Variants in CLSTN2 observed in about 807,000 individuals in gnomAD.
CLSTN2 encodes calsyntenin 2.
In CLSTN2, 48 loss-of-function variants were observed where a neutral mutation model predicts 101.2. The ratio of observed to expected loss-of-function variants is 0.47; its 90% CI spans 0.38 to 0.60. The LOEUF is 0.60. Ranked by LOEUF, CLSTN2 falls within the 20% of genes least tolerant of loss-of-function variation. The pLI is 0.00. For synonymous variants in CLSTN2, 481 were observed against 463.6 expected (o/e 1.04, Z -0.48); for missense variants, 1,160 against 1,238.2 (o/e 0.94, Z 0.95).
chr3:140,089,163 T>C (rs1021166577), intron 1 of CLSTN2, among the ~76,000 whole-genome samples: 1 of 152,204 alleles, frequency 6.6e-6, no homozygotes, highest in Non-Finnish European at 1.5e-5. Context: ...TGAGACCTGG[T>C]CTAGGGCTCA....
intron 2 of CLSTN2, among the ~76,000 whole-genome samples, chr3:140,269,762 C>G (rs372974371): frequency 6.6e-6 from 1 of 152,216 alleles, no homozygotes; most frequent in Admixed American, 6.5e-5. Flanking sequence ...ACTTCTGACC[C>G]CAGGGGATTT....
chr3:140,411,553 T>C (rs776223613), intron 4 of CLSTN2, among the ~76,000 whole-genome samples: 4 of 152,250 alleles, frequency 2.6e-5, no homozygotes, highest in Non-Finnish European at 5.9e-5. Context: ...TGAACTGTTA[T>C]ACTTTAGATG....
At chr3:139,969,452 ACT>A (rs373062444) in intron 1 of CLSTN2, among the ~76,000 whole-genome samples, 4 of 151,742 alleles carry the variant, frequency 2.6e-5, no homozygotes, top group African/African-American at 9.7e-5. Flanking sequence ...CAGCTAGAAG[ACT>A]CTTCCTAGAG....
chr3:140,315,734 C>G (rs1271178760), intron 2 of CLSTN2, among the ~76,000 whole-genome samples: 1 of 152,138 alleles, frequency 6.6e-6, no homozygotes, highest in African/African-American at 2.4e-5. Flanking sequence ...CCAGGAGGAC[C>G]CAAATGCCTT....
At chr3:140,275,430 A>G (rs955656965) in intron 2 of CLSTN2, among the ~76,000 whole-genome samples, 26 of 151,982 alleles carry the variant, frequency 1.7e-4, no homozygotes, top group African/African-American at 6.3e-4. Flanking sequence ...ACAGGCACCC[A>G]GCTTTTAAAA....
At chr3:140,221,852 C>T (rs2086276511) in intron 2 of CLSTN2, among the ~76,000 whole-genome samples, 1 of 151,930 alleles carries the variant, frequency 6.6e-6, no homozygotes, top group Non-Finnish European at 1.5e-5. Context: ...AAAGGGAATC[C>T]TTATACACTA....
chr3:140,039,624 T>C (rs1054953564), intron 1 of CLSTN2, among the ~76,000 whole-genome samples: 3 of 152,196 alleles, frequency 2.0e-5, no homozygotes, highest in Non-Finnish European at 2.9e-5. Flanking sequence ...AAAAATACTA[T>C]TGATTTTCTT....
intron 1 of CLSTN2, among the ~76,000 whole-genome samples, chr3:140,045,465 CA>C (rs1207605807): frequency 5.3e-5 from 8 of 151,940 alleles, no homozygotes; most frequent in South Asian, 4.2e-4. Flanking sequence ...TTGATCTTTT[CA>C]AAAAAACCAG....
intron 8 of CLSTN2, among the ~76,000 whole-genome samples, chr3:140,518,742 G>A (rs931886544): frequency 6.6e-6 from 1 of 152,200 alleles, no homozygotes; most frequent in Non-Finnish European, 1.5e-5. Flanking sequence ...GTTCCTGTGG[G>A]TAGTTCTTGG....
chr3:140,395,971 T>C (rs2088178416), intron 2 of CLSTN2, among the ~76,000 whole-genome samples: 1 of 152,176 alleles, frequency 6.6e-6, no homozygotes, highest in African/African-American at 2.4e-5. Context: ...TCCTCAAACC[T>C]GGAGGCAGAG....
rs562308326 is a variant in CLSTN2 at position 140,531,725 on chromosome 3, T to C, written c.1345-599T>C. On this transcript the variant is annotated intron_variant, in intron 8 of 16. Coordinates refer to ENST00000458420, the MANE Select transcript of CLSTN2 (RefSeq NM_022131.3). ...CCATCTTGGTTTCTATCTTGTCTCATGCTGTATGAGTTCATTCCCTTGAGG... is the reference window on the plus strand; with the variant it reads ...CCATCTTGGTTTCTATCTTGTCTCACGCTGTATGAGTTCATTCCCTTGAGG... Among the ~76,000 whole-genome samples the C allele has an allele frequency of 4.6e-5, 7 of 152,296 alleles. No homozygotes were observed. In the East Asian group the frequency reaches 1.4e-3, roughly 29 times the overall value.
chr3:140,446,920 C>T (rs1278939550), intron 5 of CLSTN2, among the ~76,000 whole-genome samples: 1 of 152,212 alleles, frequency 6.6e-6, no homozygotes, highest in Admixed American at 6.5e-5. Flanking sequence ...AGGCTCCTGA[C>T]TTGTTCACTG....
intron 2 of CLSTN2, among the ~76,000 whole-genome samples, chr3:140,198,736 C>CT (rs2010680933): frequency 6.6e-6 from 1 of 152,174 alleles, no homozygotes; most frequent in Admixed American, 6.5e-5. Context: ...TATGTAGGTA[C>CT]TTAATCTAAC....
At chr3:140,352,971 C>G (rs893439197) in intron 2 of CLSTN2, among the ~76,000 whole-genome samples, 2 of 152,144 alleles carry the variant, frequency 1.3e-5, no homozygotes, top group African/African-American at 4.8e-5. Context: ...TATATCTGTA[C>G]TGAACCTGTG....
intron 1 of CLSTN2, among the ~76,000 whole-genome samples, chr3:140,062,029 G>T (rs1402256382): frequency 2.6e-5 from 4 of 152,152 alleles, no homozygotes; most frequent in Non-Finnish European, 5.9e-5. Context: ...TATTATTATA[G>T]TTAGTATTAA....
In CLSTN2 at chr3:140,046,245, T is replaced by C. The variant is rs182360775; in HGVS notation, c.109+110762T>C. ...AGGATAGTTACCTCTTCTTGTTGAC[T>C]TGATCCCTTTACCATTATGTAATGG... On this transcript the variant is annotated intron_variant, in intron 1 of 16. Coordinates refer to ENST00000458420, the MANE Select transcript of CLSTN2 (RefSeq NM_022131.3). 3.1e-4 allele frequency among the ~76,000 whole-genome samples: 47 copies of C among 152,354 alleles called. No individual in the cohort carries two copies. In the East Asian group the frequency reaches 8.3e-3, roughly 27 times the overall value.
At chr3:140,432,065 C>T (rs1347731214) in intron 5 of CLSTN2, among the ~76,000 whole-genome samples, 1 of 152,174 alleles carries the variant, frequency 6.6e-6, no homozygotes, top group Non-Finnish European at 1.5e-5. Context: ...GGCTGTGTGG[C>T]TTAAGCATCA....
chr3:140,303,827 A>G (rs1236612121), intron 2 of CLSTN2, among the ~76,000 whole-genome samples: 1 of 151,886 alleles, frequency 6.6e-6, no homozygotes, highest in East Asian at 1.9e-4. Flanking sequence ...GAGACCAGCC[A>G]TGACCAGGAA....
chr3:140,463,742 G>C (rs886230245), intron 7 of CLSTN2, among the ~76,000 whole-genome samples: 4 of 152,200 alleles, frequency 2.6e-5, no homozygotes, highest in African/African-American at 9.6e-5. Flanking sequence ...GGGAGAGCAG[G>C]TTCCCTGGTA....
Sources: gnomAD v4.1 joint callset for allele counts (sites outside exome capture counted in the v4.1 genomes callset) on GRCh38, gnomAD v4.1.1 for gene constraint, MANE v1.5 for transcripts, NCBI Gene and HGNC (gene_info 2026-07-23, HGNC 2026-07-21) for gene names.